The following DAP variants were observed in gnomAD, a reference collection of about 807,000 sequenced individuals.
The protein encoded by DAP is death associated protein.
In DAP, 8 loss-of-function variants were observed where a neutral mutation model predicts 13.8. The observed-to-expected ratio is 0.58, with a 90% confidence interval of 0.34 to 1.05. The LOEUF is 1.05. DAP is among the 50% of genes least tolerant of loss of function. The probability of loss-of-function intolerance (pLI) is 0.03; values close to 1 mark genes in which losing one functional copy is unlikely to be tolerated. For synonymous variants in DAP, 47 were observed against 47.5 expected, an observed-to-expected ratio of 0.99 and a Z score of 0.04; for missense variants, 106 against 133.2, an observed-to-expected ratio of 0.80 and a Z score of 1.01.
intron 2 of DAP, among the ~76,000 whole-genome samples, chr5:10,706,861 C>G (rs1738709623): frequency 6.6e-6 from 1 of 152,152 alleles, no homozygotes; most frequent in Admixed American, 6.5e-5. Context: ...CAGAAAAGCC[C>G]AGAAAAACCC....
intron 1 of DAP, among the ~76,000 whole-genome samples, chr5:10,758,751 C>T (rs1484274481): frequency 6.6e-6 from 1 of 152,216 alleles, no homozygotes; most frequent in Non-Finnish European, 1.5e-5. Flanking sequence ...AACCCAAGCT[C>T]ACTGCTACAC....
intron 1 of DAP, among the ~76,000 whole-genome samples, chr5:10,757,463 G>A (rs555734057): frequency 3.9e-5 from 6 of 152,144 alleles, no homozygotes; most frequent in South Asian, 4.1e-4. Flanking sequence ...TGGTAGAGAC[G>A]GGGTTTCACC....
chr5:10,756,772 C>G (rs1740194258), intron 1 of DAP, among the ~76,000 whole-genome samples: 1 of 152,232 alleles, frequency 6.6e-6, no homozygotes, highest in African/African-American at 2.4e-5. Context: ...CTCACAAAGA[C>G]TGGCAGAAAT....
At chr5:10,738,651 C>T (rs1050833582) in intron 2 of DAP, among the ~76,000 whole-genome samples, 5 of 152,140 alleles carry the variant, frequency 3.3e-5, no homozygotes, top group East Asian at 1.9e-4. Flanking sequence ...AGATTAAAGG[C>T]GACTAAAGAT....
chr5:10,736,921 C>T (rs764810538), intron 2 of DAP, among the ~76,000 whole-genome samples: 1 of 152,270 alleles, frequency 6.6e-6, no homozygotes, highest in Admixed American at 6.5e-5. Flanking sequence ...CTACATGTCA[C>T]TCAGTGCCTG....
intron 2 of DAP, among the ~76,000 whole-genome samples, chr5:10,738,636 G>A (rs1462010227): frequency 3.3e-5 from 5 of 152,204 alleles, no homozygotes; most frequent in Admixed American, 2.6e-4. Context: ...CTGGATAACT[G>A]TTCTAGATTA....
chr5:10,758,727 G>C (rs1740262389), intron 1 of DAP, among the ~76,000 whole-genome samples: 1 of 152,202 alleles, frequency 6.6e-6, no homozygotes, highest in Non-Finnish European at 1.5e-5. Context: ...GTGAAGTGAT[G>C]TCTTCAAACT....
At chr5:10,742,520 T>G (rs1739787720) in intron 2 of DAP, among the ~76,000 whole-genome samples, 1 of 152,134 alleles carries the variant, frequency 6.6e-6, no homozygotes, top group African/African-American at 2.4e-5. Flanking sequence ...AGAGTGAAAC[T>G]CCATCTCAAA....
At chr5:10,721,102 C>T (rs1018508256) in intron 2 of DAP, among the ~76,000 whole-genome samples, 1 of 152,184 alleles carries the variant, frequency 6.6e-6, no homozygotes, top group Non-Finnish European at 1.5e-5. Flanking sequence ...ACAATTACAA[C>T]ACTAACTAGG....
At chr5:10,686,787 G>A (rs1738167103) in intron 2 of DAP, among the ~76,000 whole-genome samples, 1 of 152,226 alleles carries the variant, frequency 6.6e-6, no homozygotes, top group African/African-American at 2.4e-5. Flanking sequence ...AAGTTCTCCA[G>A]AAGATCTAGC....
chr5:10,747,813 TGCTTG>T (rs1238911006), intron 2 of DAP, among the ~76,000 whole-genome samples: 3 of 152,212 alleles, frequency 2.0e-5, no homozygotes, highest in African/African-American at 4.8e-5. Flanking sequence ...AAGCTGCTCC[TGCTTG>T]GCTTGGCTTG....
chr5:10,713,346 G>A (rs1369260488), intron 2 of DAP, among the ~76,000 whole-genome samples: 2 of 152,202 alleles, frequency 1.3e-5, no homozygotes, highest in Non-Finnish European at 2.9e-5. Context: ...CCTTGTGGGA[G>A]TTACGTTCCA....
chr5:10,736,138 C>G (rs1739605774), intron 2 of DAP, among the ~76,000 whole-genome samples: 1 of 152,214 alleles, frequency 6.6e-6, no homozygotes, highest in Non-Finnish European at 1.5e-5. Context: ...AGCTGCGAGA[C>G]AGGCCTGCGA....
chr5:10,732,345 C>T (rs1462301517), intron 2 of DAP, among the ~76,000 whole-genome samples: 1 of 152,204 alleles, frequency 6.6e-6, no homozygotes, highest in African/African-American at 2.4e-5. Flanking sequence ...CTGTCACTCA[C>T]CATTCCCCTT....
At chr5:10,715,877 CA>C (rs1410859962) in intron 2 of DAP, among the ~76,000 whole-genome samples, 4 of 152,314 alleles carry the variant, frequency 2.6e-5, no homozygotes, top group Admixed American at 2.6e-4. Context: ...TCACACGTAA[CA>C]ATTAATTTGA....
intron 2 of DAP, among the ~76,000 whole-genome samples, chr5:10,702,709 CG>C (rs1458903023): frequency 6.6e-6 from 1 of 152,174 alleles, no homozygotes; most frequent in Non-Finnish European, 1.5e-5. Flanking sequence ...CCTGAATTAA[CG>C]AATTCAACAG....
chr5:10,715,341 G>A (rs1700990386), intron 2 of DAP, among the ~76,000 whole-genome samples: 1 of 152,126 alleles, frequency 6.6e-6, no homozygotes, highest in Non-Finnish European at 1.5e-5. Context: ...ACAGCAACAG[G>A]AGCAACTTCC....
intron 3 of DAP, among the ~76,000 whole-genome samples, chr5:10,681,946 G>A (rs1364510814): frequency 6.6e-6 from 1 of 151,746 alleles, no homozygotes; most frequent in African/African-American, 2.4e-5. Context: ...GGAAGCTCCA[G>A]GCCAGAGCCC....
chr5:10,753,812 C>G (rs555373805), intron 1 of DAP, among the ~76,000 whole-genome samples: 2 of 152,218 alleles, frequency 1.3e-5, no homozygotes, highest in Non-Finnish European at 2.9e-5. Context: ...CAAGTATATG[C>G]TACCTTTGTT....
Sources: gnomAD v4.1 joint callset for allele counts (sites outside exome capture counted in the v4.1 genomes callset) on GRCh38, gnomAD v4.1.1 for gene constraint, MANE v1.5 for transcripts, NCBI Gene and HGNC (gene_info 2026-07-23, HGNC 2026-07-21) for gene names.